PRIM2: variants seen among roughly 807,000 people sequenced by gnomAD.
PRIM2 encodes the protein DNA primase subunit 2.
Under a neutral mutation model 67.3 loss-of-function variants are expected in PRIM2, and 39 were observed. That is an observed-to-expected ratio of 0.58 (90% CI 0.45 to 0.76). The LOEUF (loss-of-function observed/expected upper bound fraction) is 0.76, where lower values mean the gene tolerates loss of function less well. Among genes scored for constraint, PRIM2 ranks in the 30% least tolerant of loss-of-function variants. The probability of loss-of-function intolerance (pLI) is 0.00; values close to 1 mark genes in which losing one functional copy is unlikely to be tolerated. For missense variants in PRIM2, 398 were observed against 598.7 expected (o/e 0.66, Z 3.50); for synonymous variants, 143 against 198.7 (o/e 0.72, Z 2.36).
chr6:57,493,180 A>T (rs1461931233), intron 7 of PRIM2, among the ~76,000 whole-genome samples: 1 of 152,284 alleles, frequency 6.6e-6, no homozygotes, highest in African/African-American at 2.4e-5. Context: ...AGTGAGTAGC[A>T]TCTTCATTCT....
intron 10 of PRIM2, among the ~76,000 whole-genome samples, chr6:57,540,508 T>C (rs1775123614): frequency 6.6e-6 from 1 of 152,116 alleles, no homozygotes; most frequent in Non-Finnish European, 1.5e-5. Context: ...AATAAGTATA[T>C]TGGAAAATTT....
At chr6:57,407,136 A>G (rs2127360665) in intron 7 of PRIM2, among the ~76,000 whole-genome samples, 1 of 152,292 alleles carries the variant, frequency 6.6e-6, no homozygotes, top group African/African-American at 2.4e-5. Flanking sequence ...TATAACATTG[A>G]CTATTAAAGG....
chr6:57,376,026 G>A (rs1769751093), intron 5 of PRIM2, among the ~76,000 whole-genome samples: 1 of 152,034 alleles, frequency 6.6e-6, no homozygotes, highest in Non-Finnish European at 1.5e-5. Flanking sequence ...GAGCAACATA[G>A]GGAGATCCCA....
intron 10 of PRIM2, among the ~76,000 whole-genome samples, chr6:57,545,271 A>G (rs1159309005): frequency 6.6e-6 from 1 of 152,084 alleles, no homozygotes; most frequent in Non-Finnish European, 1.5e-5. Flanking sequence ...TTCTGTGTAT[A>G]TGTATATACA....
intron 9 of PRIM2, among the ~76,000 whole-genome samples, chr6:57,537,000 C>A (rs1775015222): frequency 6.6e-6 from 1 of 151,978 alleles, no homozygotes; most frequent in Non-Finnish European, 1.5e-5. Flanking sequence ...ACTGAGGAAA[C>A]CTGAATAAGA....
chr6:57,609,057 T>C (rs1776617936), intron 12 of PRIM2, among the ~76,000 whole-genome samples: 1 of 152,214 alleles, frequency 6.6e-6, no homozygotes, highest in Non-Finnish European at 1.5e-5. Flanking sequence ...TTACTTAACT[T>C]TCTGTCTCAT....
intron 12 of PRIM2, among the ~76,000 whole-genome samples, chr6:57,628,357 A>C (rs1459460837): frequency 2.6e-5 from 4 of 152,194 alleles, no homozygotes; most frequent in African/African-American, 9.6e-5. Context: ...TTTAGGAGCC[A>C]AGACCAGCTT....
At chr6:57,427,762 G>C (rs1254420320) in intron 7 of PRIM2, among the ~76,000 whole-genome samples, 2 of 152,046 alleles carry the variant, frequency 1.3e-5, no homozygotes, top group Admixed American at 1.3e-4. Flanking sequence ...ATGAATTAAG[G>C]GACCTGTCAG....
At chr6:57,318,402 C>A in intron 1 of PRIM2, 35 bp from the exon 2 acceptor site, 1 of 1,504,548 alleles carries the variant, frequency 6.6e-7, no homozygotes, top group Non-Finnish European at 8.9e-7. Flanking sequence ...CTTTGTTTTC[C>A]ATCATTTTAC....
the PRIM2 span, among the ~76,000 whole-genome samples, chr6:57,248,807 A>G: frequency 6.6e-6 from 1 of 152,352 alleles, no homozygotes; most frequent in East Asian, 1.9e-4. Flanking sequence ...AATGAGCCTT[A>G]GGCTCCCTGC....
intron 5 of PRIM2, among the ~76,000 whole-genome samples, chr6:57,375,042 T>C (rs1317006394): frequency 2.0e-5 from 3 of 152,262 alleles, no homozygotes; most frequent in African/African-American, 7.2e-5. Flanking sequence ...TCTCCTCCTA[T>C]TTGAATACTC....
At chr6:57,525,339 G>A (rs1554349267) in intron 8 of PRIM2, among the ~76,000 whole-genome samples, 89,762 of 151,986 alleles carry the variant, frequency 0.59, 27,867 homozygotes, top group African/African-American at 0.82. Flanking sequence ...TATATTTAAC[G>A]TTGTTAAACT....
rs1168857631 is a variant in PRIM2, at chr6:57,465,279, G to A, written c.694-42108G>A. Among the ~76,000 whole-genome samples the A allele has an allele frequency of 1.3e-5, 2 of 152,168 alleles. 1 individual carries two copies. The highest frequency in any genetic ancestry group is 2.9e-5 in the Non-Finnish European group (2 of 68,034). ...TCAGCTTTTCTTGTAGCTAGGGTAT[G>A]GGCGTATGATGCATTTGCCCCAGTT... On this transcript the variant is annotated intron_variant, in intron 7 of 13. Transcript: ENST00000615550.
intron 10 of PRIM2, among the ~76,000 whole-genome samples, chr6:57,579,284 C>A (rs1487283479): frequency 2.6e-5 from 4 of 151,864 alleles, no homozygotes; most frequent in Non-Finnish European, 4.4e-5. Flanking sequence ...TCGCCTACAA[C>A]AGGAGGCTTA....
At chr6:57,340,937 G>A (rs924092779) in intron 5 of PRIM2, among the ~76,000 whole-genome samples, 3 of 152,152 alleles carry the variant, frequency 2.0e-5, no homozygotes, top group African/African-American at 4.8e-5. Context: ...TTTAACAAGA[G>A]TGTTGGTGTT....
At chr6:57,241,124 T>C in the PRIM2 span, among the ~76,000 whole-genome samples, 1 of 149,282 alleles carries the variant, frequency 6.7e-6, no homozygotes, top group Non-Finnish European at 1.5e-5. Context: ...CTCGGGAGGC[T>C]GAGGCAGGAG....
chr6:57,264,688 C>T, the PRIM2 span, among the ~76,000 whole-genome samples: 1 of 151,112 alleles, frequency 6.6e-6, no homozygotes, highest in African/African-American at 2.4e-5. Flanking sequence ...CCTCCCCCTC[C>T]TGAGTTCAAG....
chr6:57,322,208 C>T (rs1294824981), intron 3 of PRIM2, among the ~76,000 whole-genome samples: 2 of 152,100 alleles, frequency 1.3e-5, no homozygotes, highest in South Asian at 4.1e-4. Context: ...GATACTTAAA[C>T]ATGTTTATAA....
intron 7 of PRIM2, among the ~76,000 whole-genome samples, chr6:57,433,785 T>A (rs1435342337): frequency 6.6e-6 from 1 of 152,214 alleles, no homozygotes; most frequent in Non-Finnish European, 1.5e-5. Flanking sequence ...CTTATTTCAC[T>A]TGTTTTATGG....
Sources: allele counts gnomAD v4.1 joint callset (sites outside exome capture counted in the v4.1 genomes callset), GRCh38; gene constraint gnomAD v4.1.1; transcripts MANE v1.5; gene names NCBI Gene and HGNC (gene_info 2026-07-23, HGNC 2026-07-21).